The following TTC21B variants were observed in gnomAD, a reference collection of about 807,000 sequenced individuals.
TTC21B encodes tetratricopeptide repeat domain 21B, also known as tetratricopeptide repeat protein 21B.
In TTC21B, 127 loss-of-function variants were observed where a neutral mutation model predicts 175.1. That is an observed-to-expected ratio of 0.73 (90% CI 0.63 to 0.84). TTC21B has a LOEUF of 0.84. TTC21B is among the 40% of genes least tolerant of loss of function. The pLI, the probability that TTC21B is intolerant of heterozygous loss-of-function variation, is 0.00. For synonymous variants in TTC21B, 524 were observed against 524.5 expected, an observed-to-expected ratio of 1.00 and a Z score of 0.01; for missense variants, 1,561 against 1,558.3, an observed-to-expected ratio of 1.00 and a Z score of -0.03.
At chr2:165,892,438 C>G (rs2163650) in intron 22 of TTC21B, among the ~76,000 whole-genome samples, 150,016 of 152,320 alleles carry the variant, frequency 0.98, 73,925 homozygotes, top group Middle Eastern at 1. Context: ...CTTCACAATA[C>G]ACAGAAAAAG....
At chr2:165,898,203 T>G (rs1420367626) in intron 22 of TTC21B, among the ~76,000 whole-genome samples, 1 of 152,004 alleles carries the variant, frequency 6.6e-6, no homozygotes, top group African/African-American at 2.4e-5. Flanking sequence ...GAGAGAGAAC[T>G]GTAAGAGTGA....
At chr2:165,912,388 A>G in intron 17 of TTC21B, 126 bp downstream of exon 17, 1 of 781,516 alleles carries the variant, frequency 1.3e-6, no homozygotes, top group Non-Finnish European at 2.3e-6. Context: ...CACAAATCCC[A>G]GTTCATAAAT....
intron 6 of TTC21B, among the ~76,000 whole-genome samples, chr2:165,935,774 T>C (rs570285571): frequency 6.6e-6 from 1 of 152,226 alleles, no homozygotes; most frequent in East Asian, 1.9e-4. Flanking sequence ...TGTGCAAGAT[T>C]TCTATGAGGA....
intron 26 of TTC21B, among the ~76,000 whole-genome samples, chr2:165,881,394 A>T (rs757627988): frequency 1.9e-4 from 29 of 152,170 alleles, no homozygotes; most frequent in Non-Finnish European, 3.5e-4. Flanking sequence ...TTTTTGTTAG[A>T]TTGAGGACTG....
At chr2:165,937,771 CCACACA>C (rs4001021) in intron 6 of TTC21B, among the ~76,000 whole-genome samples, 13,109 of 127,498 alleles carry the variant, frequency 0.1, 745 homozygotes, top group Middle Eastern at 0.17. Context: ...TATATAGAAA[CCACACA>C]CACACACACA....
In TTC21B at chr2:165,917,409, T is replaced by C. The variant is rs745801155; in HGVS notation, c.1747A>G (p.Ile583Val). 19 of 1,614,062 alleles carry C rather than the reference T, an allele frequency of 1.2e-5. No individual in the cohort carries two copies. Among genetic ancestry groups the C allele is most frequent in the Admixed American group, 6.7e-5 (4 of 60,004 alleles). Residue 583 changes from isoleucine to valine, a missense_variant, in exon 14 of 29, where the codon ATT becomes GTT. Coordinates refer to ENST00000243344, the MANE Select transcript of TTC21B (RefSeq NM_024753.5). Reference protein sequence around the residue: ...QKKMGEIADAIKTLHMAMSLP... With the variant: ...QKKMGEIADAVKTLHMAMSLP... ...CTCATTGCCATATGCAGTGTTTTAA[T>C]TGCGTCTGCTATTTCTCCCATTTTC...
chr2:165,930,189 C>T lies in TTC21B; in HGVS notation c.1070G>A (p.Ser357Asn), dbSNP rs1228537295. Residue 357 changes from serine to asparagine, a missense_variant, in exon 9 of 29, where the codon AGT becomes AAT. Transcript: ENST00000243344. ...YKTAMTLDET[S>N]VSALVGFIQC... ...TGTCATACCAACTAGGGCAGACACA[C>T]TAGTCTCATCAAGTGTCATGGCGGT... 2 of 1,612,986 alleles carry T rather than the reference C, an allele frequency of 1.2e-6. No individual in the cohort carries two copies. Among genetic ancestry groups the T allele is most frequent in the African/African-American group, 1.3e-5 (1 of 74,860 alleles).
At chr2:165,900,948 C>T (rs1431776050) in intron 20 of TTC21B, among the ~76,000 whole-genome samples, 3 of 148,262 alleles carry the variant, frequency 2.0e-5, no homozygotes, top group African/African-American at 7.5e-5. Context: ...GTTACCCAGG[C>T]TGTAGTACAG....
chr2:165,925,076 T>C (rs1326343054), intron 11 of TTC21B, among the ~76,000 whole-genome samples: 2 of 152,208 alleles, frequency 1.3e-5, no homozygotes, highest in Admixed American at 1.3e-4. Context: ...TAGATTTGCC[T>C]TGTGATTTGC....
At chr2:165,880,642 T>G in intron 27 of TTC21B, 37 bp downstream of exon 27, 1 of 1,611,090 alleles carries the variant, frequency 6.2e-7, no homozygotes, top group Non-Finnish European at 8.5e-7. Flanking sequence ...TACAACATAA[T>G]TTTTCTGTGA....
Position 165,949,429 on chromosome 2 carries a change from G to T in TTC21B, c.227C>A (p.Ala76Glu), listed in dbSNP as rs763799286. The change falls in exon 3 of 29, where the codon GCA (alanine) becomes GAA (glutamate). Residue 76 changes from alanine (A) to glutamate (E), a missense_variant. By Grantham distance (107) the Ala-to-Glu change is moderately radical. Coordinates refer to ENST00000243344, the MANE Select transcript of TTC21B (RefSeq NM_024753.5). ...KQDVSLCSLL[A>E]LIYAHKMSPN... Reference sequence around the variant, plus strand: ...ACTCATTTTATGGGCATATATCAGTGCAAGTAGAGAACAAAGTGATACATC... The same window carrying T: ...ACTCATTTTATGGGCATATATCAGTTCAAGTAGAGAACAAAGTGATACATC... 1.2e-6 allele frequency: 2 copies of T among 1,613,446 alleles called. No individual in the cohort carries two copies. Among genetic ancestry groups the T allele is most frequent in the Admixed American group, 1.7e-5 (1 of 60,004 alleles).
In TTC21B at chr2:165,890,991, A is replaced by G; in HGVS notation, c.2951-3T>C. ...ACGAGATAATGTCATATAATTATCT[A>G]GAAACAAATAATACTTCAGATATGG... On this transcript the variant is annotated splice_polypyrimidine_tract_variant and splice_region_variant and intron_variant, in intron 22 of 28. Coordinates refer to ENST00000243344, the MANE Select transcript of TTC21B (RefSeq NM_024753.5). 6.2e-7 allele frequency: 1 copy of G among 1,607,904 alleles called. No individual in the cohort carries two copies. Among genetic ancestry groups the G allele is most frequent in the Non-Finnish European group, 8.5e-7 (1 of 1,174,602 alleles).
chr2:165,926,974 GTATATA>G (rs1255878796), intron 11 of TTC21B, among the ~76,000 whole-genome samples: 1 of 79,814 alleles, frequency 1.3e-5, no homozygotes, highest in Non-Finnish European at 2.4e-5. Context: ...TATATATGGA[GTATATA>G]TATAAACTCC....
chr2:165,884,131 T>C lies in TTC21B; in HGVS notation c.3460-113A>G, dbSNP rs566912657. The C allele has an allele frequency of 4.9e-5, 41 of 831,672 alleles. No homozygotes were observed. The Middle Eastern group carries it at 1.1e-3, about 23-fold the overall frequency. 51.5% of individuals were successfully genotyped at this position (831,672 alleles called of 1,614,324 possible). ...CTAGTTTGTGGATTCTATTTCTAGC[T>C]CCATTACAGATAACTGTGATTACAG... On this transcript the variant is annotated intron_variant, in intron 25 of 28. Transcript: ENST00000243344.
At chr2:165,898,879 C>A in intron 21 of TTC21B, 112 bp from the exon 22 acceptor site, 1 of 722,540 alleles carries the variant, frequency 1.4e-6, no homozygotes, top group South Asian at 1.5e-5. Context: ...GAGGAGGGGG[C>A]AGCATTTTAT....
At chr2:165,882,632 C>T (rs987692271) in intron 26 of TTC21B, among the ~76,000 whole-genome samples, 2 of 152,058 alleles carry the variant, frequency 1.3e-5, no homozygotes, top group Admixed American at 1.3e-4. Context: ...ATATGGATGA[C>T]TTCCATTTTT....
intron 25 of TTC21B, among the ~76,000 whole-genome samples, chr2:165,884,574 G>A (rs775240141): frequency 3.3e-5 from 5 of 151,996 alleles, no homozygotes; most frequent in Non-Finnish European, 5.9e-5. Flanking sequence ...TTAAAAATAA[G>A]GCATATAATT....
At chr2:165,938,588 G>A (rs574829116) in intron 6 of TTC21B, among the ~76,000 whole-genome samples, 176 of 152,202 alleles carry the variant, frequency 1.2e-3, no homozygotes, top group African/African-American at 4.0e-3. Flanking sequence ...GCAACAAGTT[G>A]TACTACACCA....
In TTC21B at chr2:165,890,968, G is replaced by A. The variant is rs367876567; in HGVS notation, c.2971C>T (p.Arg991Cys). 16 of 1,612,274 alleles carry A rather than the reference G, an allele frequency of 9.9e-6. No homozygotes were observed. The highest frequency in any genetic ancestry group is 5.3e-5 in the African/African-American group (4 of 74,802). Residue 991 changes from arginine to cysteine, a missense_variant, in exon 23 of 29, where the codon CGT becomes TGT. Coordinates refer to ENST00000243344, the MANE Select transcript of TTC21B (RefSeq NM_024753.5). The stretch of plus-strand genomic sequence containing the variant: ...CATCTTCTTAGGAGATCAATCAAAC[G>A]AGATAATGTCATATAATTATCTAGA... Reference protein sequence around the residue: ...RKPDNYMTLSRLIDLLRRCGK... With the variant: ...RKPDNYMTLSCLIDLLRRCGK...
Sources: allele counts gnomAD v4.1 joint callset (sites outside exome capture counted in the v4.1 genomes callset), GRCh38; gene constraint gnomAD v4.1.1; transcripts MANE v1.5; gene names NCBI Gene and HGNC (gene_info 2026-07-23, HGNC 2026-07-21).